EEFSEC: variants seen among roughly 807,000 people sequenced by gnomAD.
EEFSEC encodes selenocysteine-specific elongation factor.
A neutral mutation model predicts 42.1 loss-of-function variants in EEFSEC; 43 were observed. The observed-to-expected ratio is 1.02, with a 90% CI of 0.80 to 1.32. EEFSEC has a LOEUF of 1.32. EEFSEC is among the 40% of genes most tolerant of loss of function. The probability of loss-of-function intolerance (pLI) is 0.00; values close to 1 mark genes in which losing one functional copy is unlikely to be tolerated. For missense variants in EEFSEC, 745 were observed against 803.6 expected, an observed-to-expected ratio of 0.93 and a Z score of 0.88; for synonymous variants, 354 against 339.1, an observed-to-expected ratio of 1.04 and a Z score of -0.48.
rs116103735 is a variant in EEFSEC, at chr3:128,265,993, A to C, written c.786+1212A>C. Among the ~76,000 whole-genome samples the C allele has an allele frequency of 2.3e-3, 348 of 152,338 alleles. 5 individuals carry two copies. Among genetic ancestry groups the C allele is most frequent in the African/African-American group, 6.8e-3 (283 of 41,578 alleles). On this transcript the variant is annotated intron_variant, in intron 4 of 6. Transcript: ENST00000254730. ...GCTTATACTATTATAAAACCTGGCA[A>C]GTCCAAAATCTACAGGGTAGGCTGG... is the stretch of plus-strand genomic sequence containing the variant.
At chr3:128,179,768 C>G (rs2065386548) in intron 1 of EEFSEC, among the ~76,000 whole-genome samples, 1 of 152,096 alleles carries the variant, frequency 6.6e-6, no homozygotes, top group Non-Finnish European at 1.5e-5. Flanking sequence ...TGGGAGGTTG[C>G]TGGATTATTG....
chr3:128,320,911 G>A (rs1474637921), intron 4 of EEFSEC, among the ~76,000 whole-genome samples: 1 of 152,196 alleles, frequency 6.6e-6, no homozygotes, highest in Non-Finnish European at 1.5e-5. Context: ...CAAACTCTGG[G>A]CCCCAGTTTG....
chr3:128,306,902 C>G (rs1287822132), intron 4 of EEFSEC, among the ~76,000 whole-genome samples: 1 of 152,250 alleles, frequency 6.6e-6, no homozygotes, highest in Non-Finnish European at 1.5e-5. Flanking sequence ...CTACTTAGCC[C>G]ATACGGCAGC....
intron 1 of EEFSEC, among the ~76,000 whole-genome samples, chr3:128,213,758 A>C (rs2065782812): frequency 6.6e-6 from 1 of 152,210 alleles, no homozygotes; most frequent in African/African-American, 2.4e-5. Context: ...TAAGTAGTAC[A>C]TCAAATCTGT....
rs145312719 is a variant in EEFSEC at position 128,200,286 on chromosome 3, C to T, written c.316+46463C>T. 6.2e-3 allele frequency among the ~76,000 whole-genome samples: 947 copies of T among 152,150 alleles called. 8 individuals carry two copies. The highest frequency in any genetic ancestry group is 0.021 in the African/African-American group (887 of 41,522). On this transcript the variant is annotated intron_variant, in intron 1 of 6. Coordinates refer to ENST00000254730, the MANE Select transcript of EEFSEC (RefSeq NM_021937.5). ...AAGGAAATCTTTCTCCAAACTCTAA[C>T]ATGAATCTCTTTTTTTTTTGAGATG...
intron 4 of EEFSEC, among the ~76,000 whole-genome samples, chr3:128,276,665 G>A (rs2066472088): frequency 6.6e-6 from 1 of 152,184 alleles, no homozygotes; most frequent in African/African-American, 2.4e-5. Context: ...GGAGTAGAGG[G>A]TGAGTAAGGC....
At chr3:128,400,108 TG>T (rs1425934013) in intron 6 of EEFSEC, among the ~76,000 whole-genome samples, 4 of 152,154 alleles carry the variant, frequency 2.6e-5, no homozygotes, top group African/African-American at 9.7e-5. Context: ...CCCCTGGCCT[TG>T]GGGGCAGCTC....
In EEFSEC at chr3:128,341,260, A is replaced by G. The variant is rs760326855; in HGVS notation, c.814A>G (p.Met272Val). 3.1e-6 allele frequency: 5 copies of G among 1,612,272 alleles called. No homozygotes were observed. The African/African-American group carries it at 6.7e-5, about 22-fold the overall frequency. The change falls in exon 5 of 7, where the codon ATG becomes GTG. Residue 272 changes from methionine (M) to valine (V), a missense_variant. Coordinates refer to ENST00000254730, the MANE Select transcript of EEFSEC (RefSeq NM_021937.5). The part of the protein sequence containing the change: ...KVVKKVKSMQ[M>V]FHMPITSAMQ... ...GGTGAAGAAGGTGAAGTCCATGCAG[A>G]TGTTCCACATGCCCATCACTTCAGC...
At chr3:128,336,713 G>A (rs540556699) in intron 4 of EEFSEC, among the ~76,000 whole-genome samples, 10 of 152,320 alleles carry the variant, frequency 6.6e-5, no homozygotes, top group African/African-American at 2.2e-4. Flanking sequence ...TACCCACAAT[G>A]AATTAGGTCT....
At chr3:128,401,098 A>G (rs2068043541) in intron 6 of EEFSEC, among the ~76,000 whole-genome samples, 1 of 152,112 alleles carries the variant, frequency 6.6e-6, no homozygotes. Flanking sequence ...CATGTAGCAC[A>G]CACACACCCT....
chr3:128,288,332 C>T (rs904605239), intron 4 of EEFSEC, among the ~76,000 whole-genome samples: 1 of 152,180 alleles, frequency 6.6e-6, no homozygotes, highest in Non-Finnish European at 1.5e-5. Context: ...ACTCCACTTC[C>T]AGTGTCCTTT....
intron 1 of EEFSEC, among the ~76,000 whole-genome samples, chr3:128,196,583 A>C (rs2065587057): frequency 6.6e-6 from 1 of 152,218 alleles, no homozygotes; most frequent in South Asian, 2.1e-4. Flanking sequence ...ATTTAACATT[A>C]TATCCTAAAC....
intron 1 of EEFSEC, among the ~76,000 whole-genome samples, chr3:128,211,219 C>T (rs562367436): frequency 1.7e-4 from 26 of 152,298 alleles, no homozygotes; most frequent in African/African-American, 6.3e-4. Context: ...TTAACCTCCT[C>T]TCACCTCTAC....
chr3:128,410,550 G>A (rs1466315599), downstream of EEFSEC, among the ~76,000 whole-genome samples: 5 of 152,298 alleles, frequency 3.3e-5, no homozygotes, highest in African/African-American at 9.6e-5. Flanking sequence ...CGCCACCAGG[G>A]CACAGATTCA....
intron 4 of EEFSEC, among the ~76,000 whole-genome samples, chr3:128,275,816 G>A (rs531148418): frequency 1.8e-4 from 28 of 152,364 alleles, no homozygotes; most frequent in African/African-American, 4.3e-4. Context: ...GGGGTGGTTC[G>A]TAGGTGGTTG....
chr3:128,207,980 G>A (rs1401274861), intron 1 of EEFSEC, among the ~76,000 whole-genome samples: 1 of 152,182 alleles, frequency 6.6e-6, no homozygotes, highest in East Asian at 1.9e-4. Context: ...GAATTACCTG[G>A]GAAGGTTGCC....
intron 6 of EEFSEC, among the ~76,000 whole-genome samples, chr3:128,401,906 T>C (rs1403127299): frequency 1.3e-5 from 2 of 152,186 alleles, no homozygotes; most frequent in African/African-American, 4.8e-5. Flanking sequence ...CCTTACCTCT[T>C]GTCCCTGTCC....
chr3:128,397,356 C>A (rs2067993522), intron 6 of EEFSEC, among the ~76,000 whole-genome samples: 1 of 152,240 alleles, frequency 6.6e-6, no homozygotes. Flanking sequence ...GGCTTCCCAG[C>A]TGTTGTGACC....
chr3:128,299,522 T>C (rs2066743814), intron 4 of EEFSEC, among the ~76,000 whole-genome samples: 1 of 152,226 alleles, frequency 6.6e-6, no homozygotes, highest in Non-Finnish European at 1.5e-5. Flanking sequence ...TATTTTCTAG[T>C]CACCACTGTT....
Sources: gnomAD v4.1 joint callset for allele counts (sites outside exome capture counted in the v4.1 genomes callset) on GRCh38, gnomAD v4.1.1 for gene constraint, MANE v1.5 for transcripts, NCBI Gene and HGNC (gene_info 2026-07-23, HGNC 2026-07-21) for gene names.